PARD3B: variants seen among roughly 807,000 people sequenced by gnomAD.
The protein encoded by PARD3B is partitioning defective 3 homolog B.
Under a neutral mutation model 130.2 loss-of-function variants are expected in PARD3B, and 103 were observed. The ratio of observed to expected loss-of-function variants is 0.79; its 90% CI spans 0.67 to 0.93. The LOEUF (loss-of-function observed/expected upper bound fraction) is 0.93. Among genes scored for constraint, PARD3B ranks in the 40% least tolerant of loss-of-function variants. The probability of loss-of-function intolerance (pLI) is 0.00; values close to 1 mark genes in which losing one functional copy is unlikely to be tolerated. For missense variants in PARD3B, 1,609 were observed against 1,499.2 expected (o/e 1.07, Z -1.21); for synonymous variants, 583 against 553.2 (o/e 1.05, Z -0.76).
chr2:204,772,377 C>CA (rs2041423129), intron 2 of PARD3B, among the ~76,000 whole-genome samples: 1 of 151,938 alleles, frequency 6.6e-6, no homozygotes, highest in Non-Finnish European at 1.5e-5. Context: ...GAAGAAAAGT[C>CA]AGAGTTTGGA....
Position 205,473,694 on chromosome 2 carries a change from A to ATATATATATG in PARD3B, c.3045-26193_3045-26192insGTATATATAT, listed in dbSNP as rs1553520414. Among the ~76,000 whole-genome samples, 3 of 138,710 alleles carry ATATATATATG rather than the reference A, an allele frequency of 2.2e-5. No individual in the cohort carries two copies. Among genetic ancestry groups the ATATATATATG allele is most frequent in the African/African-American group, 8.7e-5 (3 of 34,382 alleles). 91.0% of individuals were successfully genotyped at this position (138,710 alleles called of 152,430 possible). The stretch of plus-strand genomic sequence containing the variant: ...TGTGTGTGTGTGTATGTATATATAT[A>ATATATATATG]TATATATATATATATACACACACAC... On this transcript the variant is annotated intron_variant, in intron 20 of 22. Coordinates refer to ENST00000406610, the MANE Select transcript of PARD3B (RefSeq NM_001302769.2). This position sits in a 1 kb window ranked among gnomAD's most constrained non-coding sequence, Gnocchi z 4.9.
chr2:204,789,932 G>A lies in PARD3B; in HGVS notation c.222+103650G>A, dbSNP rs188474521. Among the ~76,000 whole-genome samples, 1,119 of 150,480 alleles carry A rather than the reference G, an allele frequency of 7.4e-3. 12 individuals carry two copies. The highest frequency in any genetic ancestry group is 0.026 in the African/African-American group (1,056 of 40,840). On this transcript the variant is annotated intron_variant, in intron 2 of 22. Transcript: ENST00000406610. ...GTCACCCAGGCTGGAGTGCAGTGGC[G>A]CGATCTCGGCTCACTGCAAGCTCCA...
chr2:205,285,594 A>C (rs924078984), intron 16 of PARD3B, among the ~76,000 whole-genome samples: 2 of 151,866 alleles, frequency 1.3e-5, no homozygotes, highest in Non-Finnish European at 2.9e-5. Context: ...CCCCATGAGC[A>C]CTCTGCAGTG....
At position 205,193,337 on chromosome 2, in the gene PARD3B, T is replaced by G. The variant is rs1559528666; in HGVS notation, c.2140+17T>G. The G allele has an allele frequency of 2.6e-6, 4 of 1,551,968 alleles. No homozygotes were observed. Among genetic ancestry groups the G allele is most frequent in the Admixed American group, 1.7e-5 (1 of 59,890 alleles). ...TGGACCTTGGTAAGCAAGGGTGAGG[T>G]GACATCCAGGTCAGCTCTCCAGCCT... On this transcript the variant is annotated intron_variant, in intron 15 of 22. Transcript: ENST00000406610.
intron 2 of PARD3B, among the ~76,000 whole-genome samples, chr2:204,797,952 A>G (rs923298142): frequency 2.0e-5 from 3 of 152,222 alleles, no homozygotes; most frequent in Admixed American, 1.3e-4. Context: ...ATATATAGTC[A>G]CATGAAAGGA....
chr2:205,553,504 G>GT lies in PARD3B; in HGVS notation c.3260+103dup. On this transcript the variant is annotated intron_variant, in intron 22 of 22. Transcript: ENST00000406610. ...ATTCTGGCTTTGAAATAGGGAATAT[G>GT]TTATAATTTTGCCTTGCTGCCGTCT... 3 of 1,232,340 alleles carry GT rather than the reference G, an allele frequency of 2.4e-6. No individual in the cohort carries two copies. The Admixed American group carries it at 6.1e-5, about 25-fold the overall frequency. 76.3% of individuals were successfully genotyped at this position (1,232,340 alleles called of 1,614,324 possible). A position where few individuals can be genotyped will look rare whatever the true frequency, so the allele number is the denominator to read the frequency against.
chr2:205,494,933 G>A (rs2049869310), intron 20 of PARD3B, among the ~76,000 whole-genome samples: 1 of 152,172 alleles, frequency 6.6e-6, no homozygotes, highest in African/African-American at 2.4e-5. Flanking sequence ...GGTATGTAAA[G>A]CACAAATGTT....
At chr2:204,688,157 C>A (rs73984268) in intron 2 of PARD3B, among the ~76,000 whole-genome samples, 1,839 of 152,166 alleles carry the variant, frequency 0.012, 38 homozygotes, top group African/African-American at 0.042. Flanking sequence ...TGCTTGGGTT[C>A]GGCTTTAACA....
chr2:205,535,024 G>A (rs956374705), intron 21 of PARD3B, among the ~76,000 whole-genome samples: 4 of 151,976 alleles, frequency 2.6e-5, no homozygotes, highest in Non-Finnish European at 5.9e-5. Flanking sequence ...TCTACAGAGG[G>A]GTGTATACAG....
chr2:205,213,738 T>C (rs1168347571), intron 15 of PARD3B, among the ~76,000 whole-genome samples: 1 of 152,102 alleles, frequency 6.6e-6, no homozygotes, highest in African/African-American at 2.4e-5. Flanking sequence ...TTTTGTCCAC[T>C]TAAAAGGAAA....
At chr2:204,605,439 C>T (rs2033677452) in intron 1 of PARD3B, among the ~76,000 whole-genome samples, 2 of 152,202 alleles carry the variant, frequency 1.3e-5, no homozygotes, top group Admixed American at 1.3e-4. Context: ...TATCCTTCTA[C>T]ATACCAGTCT....
chr2:204,580,770 T>TA (rs1307141698), intron 1 of PARD3B, among the ~76,000 whole-genome samples: 5 of 152,196 alleles, frequency 3.3e-5, no homozygotes, highest in Non-Finnish European at 7.3e-5. Context: ...AAGGGCTCTA[T>TA]AAGAGAGACT....
intron 3 of PARD3B, among the ~76,000 whole-genome samples, chr2:205,010,264 C>A (rs1487854845): frequency 6.6e-6 from 1 of 152,040 alleles, no homozygotes; most frequent in African/African-American, 2.4e-5. Flanking sequence ...CCAACATGTC[C>A]ACAATATAGT....
At chr2:204,644,357 G>C (rs2035198751) in intron 1 of PARD3B, among the ~76,000 whole-genome samples, 1 of 152,264 alleles carries the variant, frequency 6.6e-6, no homozygotes, top group South Asian at 2.1e-4. Context: ...ATGGGTGTGT[G>C]GGTGTCTATC....
chr2:205,152,407 A>G (rs2033822152), intron 10 of PARD3B, among the ~76,000 whole-genome samples: 1 of 152,224 alleles, frequency 6.6e-6, no homozygotes, highest in Admixed American at 6.5e-5. Context: ...AATCAGACAC[A>G]GAGTTGGTCT....
intron 2 of PARD3B, among the ~76,000 whole-genome samples, chr2:204,794,813 T>C (rs2042315092): frequency 6.6e-6 from 1 of 152,244 alleles, no homozygotes. Context: ...GCTGAAAATA[T>C]ATTGCGACAC....
At chr2:204,740,299 A>G (rs1574861015) in intron 2 of PARD3B, among the ~76,000 whole-genome samples, 2 of 152,074 alleles carry the variant, frequency 1.3e-5, no homozygotes, top group African/African-American at 4.8e-5. Context: ...TGGAATTACA[A>G]GTGTGAGCCA....
At chr2:205,349,800 C>CTTTTTTTTTT (rs11417800) in intron 18 of PARD3B, among the ~76,000 whole-genome samples, 3 of 102,218 alleles carry the variant, frequency 2.9e-5, no homozygotes, top group Non-Finnish European at 3.9e-5. Context: ...TTCTTTTTCT[C>CTTTTTTTTTT]TTTTTTTTTT....
At chr2:204,726,952 G>A (rs1382246296) in intron 2 of PARD3B, among the ~76,000 whole-genome samples, 1 of 152,100 alleles carries the variant, frequency 6.6e-6, no homozygotes, top group East Asian at 1.9e-4. Flanking sequence ...TCCTTTCTCA[G>A]ACAAGTTGCT....
Sources: allele counts gnomAD v4.1 joint callset (sites outside exome capture counted in the v4.1 genomes callset), GRCh38; gene constraint gnomAD v4.1.1; non-coding constraint Gnocchi (gnomAD v3.1); transcripts MANE v1.5; gene names NCBI Gene and HGNC (gene_info 2026-07-23, HGNC 2026-07-21).